The following LAMA3 variants were observed in gnomAD, a reference collection of about 807,000 sequenced individuals.
LAMA3 encodes laminin subunit alpha-3.
In LAMA3, 281 loss-of-function variants were observed where a neutral mutation model predicts 402.0. The ratio of observed to expected loss-of-function variants is 0.70; its 90% CI spans 0.63 to 0.77. LAMA3 has a LOEUF of 0.77. Ranked by LOEUF, LAMA3 falls within the 30% of genes least tolerant of loss-of-function variation. The pLI is 0.00. For synonymous variants in LAMA3, 1,431 were observed against 1,558.4 expected (o/e 0.92, Z 1.93); for missense variants, 3,840 against 4,215.5 (o/e 0.91, Z 2.47).
chr18:23,789,584 G>A (rs1160393690), intron 12 of LAMA3, among the ~76,000 whole-genome samples: 1 of 152,182 alleles, frequency 6.6e-6, no homozygotes, highest in East Asian at 1.9e-4. Context: ...CATATTGTGT[G>A]ATTCATTTAT....
chr18:23,755,235 C>G (rs1356316950), intron 6 of LAMA3, among the ~76,000 whole-genome samples: 1 of 152,160 alleles, frequency 6.6e-6, no homozygotes, highest in Non-Finnish European at 1.5e-5. Context: ...GGAGTACACG[C>G]CATCACAGAG....
chr18:23,794,188 T>C (rs766809444), intron 12 of LAMA3, among the ~76,000 whole-genome samples: 1 of 152,198 alleles, frequency 6.6e-6, no homozygotes, highest in Non-Finnish European at 1.5e-5. Context: ...CTCCAGGGTA[T>C]AGACTTGACC....
intron 23 of LAMA3, among the ~76,000 whole-genome samples, chr18:23,832,240 G>C (rs368170507): frequency 5.6e-4 from 86 of 152,314 alleles, no homozygotes; most frequent in African/African-American, 1.9e-3. Flanking sequence ...CCCTTGTTTG[G>C]AGATGCCCAG....
At chr18:23,936,199 A>G (rs1356618879) in intron 67 of LAMA3, among the ~76,000 whole-genome samples, 1 of 151,654 alleles carries the variant, frequency 6.6e-6, no homozygotes, top group Non-Finnish European at 1.5e-5. Flanking sequence ...TTTTTTTTCC[A>G]TATTAACTAA....
chr18:23,903,205 T>A, intron 49 of LAMA3, 80 bp downstream of exon 49: 1 of 878,476 alleles, frequency 1.1e-6, no homozygotes, highest in Non-Finnish European at 1.9e-6. Flanking sequence ...TGGGCTGACC[T>A]ACTTTTTTGT....
At chr18:23,740,984 C>T (rs553188799) in intron 2 of LAMA3, among the ~76,000 whole-genome samples, 13 of 151,130 alleles carry the variant, frequency 8.6e-5, no homozygotes, top group African/African-American at 3.2e-4. Flanking sequence ...GACAGAGTCT[C>T]ACTCTGTCGC....
chr18:23,735,211 G>A (rs2061453976), intron 2 of LAMA3, among the ~76,000 whole-genome samples: 1 of 152,166 alleles, frequency 6.6e-6, no homozygotes, highest in Non-Finnish European at 1.5e-5. Flanking sequence ...TGAACCAAAG[G>A]TGGCTCCTGA....
intron 27 of LAMA3, 147 bp downstream of exon 27, chr18:23,840,076 A>G: frequency 1.1e-6 from 1 of 871,574 alleles, no homozygotes; most frequent in Non-Finnish European, 1.9e-6. Flanking sequence ...GGGCCCAGGA[A>G]TCTGTGTTTT....
At chr18:23,923,604 A>C (rs1398976726) in intron 62 of LAMA3, among the ~76,000 whole-genome samples, 2 of 152,196 alleles carry the variant, frequency 1.3e-5, no homozygotes, top group Non-Finnish European at 2.9e-5. Context: ...AGCCTGAGAC[A>C]CAGCCAGGTG....
rs778860914 is a variant in LAMA3 at position 23,881,975 on chromosome 18, T to C, written c.5152T>C (p.Cys1718Arg). The change falls in exon 40 of 75, where the codon TGC (cysteine) becomes CGC (arginine). Residue 1718 changes from cysteine to arginine, a missense_variant. This residue lies in a region of LAMA3 where 2,109 missense variants were observed against 2,376.0 expected (regional missense o/e 0.89). Transcript: ENST00000313654. ...HNTAGEHCER[C>R]QEGYYGNAVH... ...CACCGCGGGAGAGCACTGTGAACGC[T>C]GCCAGGAGGGCTACTATGGCAACGC... The C allele has an allele frequency of 1.5e-5, 24 of 1,614,136 alleles. No homozygotes were observed. The South Asian group carries it at 2.5e-4, about 17-fold the overall frequency.
intron 74 of LAMA3, 138 bp from the exon 75 acceptor site, chr18:23,954,365 T>A: frequency 2.8e-6 from 2 of 723,936 alleles, no homozygotes; most frequent in Non-Finnish European, 2.3e-6. Context: ...ATCACACTAC[T>A]GTACTTCAGC....
chr18:23,816,837 C>T (rs57981546), intron 18 of LAMA3, among the ~76,000 whole-genome samples: 5,215 of 152,120 alleles, frequency 0.034, 284 homozygotes, highest in African/African-American at 0.12. Flanking sequence ...CAGATAGGCC[C>T]GCTCCAGGGA....
chr18:23,742,270 T>A (rs1260792033), intron 2 of LAMA3, among the ~76,000 whole-genome samples: 1 of 152,184 alleles, frequency 6.6e-6, no homozygotes, highest in Non-Finnish European at 1.5e-5. Flanking sequence ...TTTGGACTGT[T>A]CAAAATGTCA....
chr18:23,716,598 C>A lies in LAMA3; in HGVS notation c.447+2526C>A, dbSNP rs191104269. On this transcript the variant is annotated intron_variant, in intron 2 of 74. Transcript: ENST00000313654. ...TTTTTTTTAAACCTACTTTAAAAGC[C>A]TCCTTTTGATGTACTGAAAAATTCC... is the stretch of plus-strand genomic sequence containing the variant. Among the ~76,000 whole-genome samples the A allele has an allele frequency of 3.9e-3, 591 of 152,262 alleles. 5 individuals are homozygous for A. Among genetic ancestry groups the A allele is most frequent in the African/African-American group, 0.014 (567 of 41,534 alleles).
In LAMA3 at chr18:23,824,505, C is replaced by CA; in HGVS notation, c.2511_2512insA (p.Pro838ThrfsTer14). The CA allele has an allele frequency of 6.2e-7, 1 of 1,613,932 alleles. No homozygotes were observed. Among genetic ancestry groups the CA allele is most frequent in the Non-Finnish European group, 8.5e-7 (1 of 1,179,866 alleles). On this transcript the variant is annotated frameshift_variant, in exon 21 of 75. Coordinates refer to ENST00000313654, the MANE Select transcript of LAMA3 (RefSeq NM_198129.4). LOFTEE classifies it high-confidence loss of function. ...CTGTCCCTGGAAATGGTTTTGCAGA[C>CA]CCATTTTCAATCACACCAGGAATAT...
At chr18:23,873,828 C>T (rs925086386) in intron 38 of LAMA3, among the ~76,000 whole-genome samples, 1 of 152,110 alleles carries the variant, frequency 6.6e-6, no homozygotes. Context: ...CAAAAGTTTA[C>T]TGGAAAACTT....
At chr18:23,828,527 A>T (rs1397917749) in intron 23 of LAMA3, among the ~76,000 whole-genome samples, 3 of 152,196 alleles carry the variant, frequency 2.0e-5, no homozygotes, top group Non-Finnish European at 4.4e-5. Flanking sequence ...ATAGGTGTAC[A>T]TACATACATA....
At chr18:23,897,692 A>G (rs2080921458) in intron 44 of LAMA3, among the ~76,000 whole-genome samples, 1 of 152,234 alleles carries the variant, frequency 6.6e-6, no homozygotes, top group African/African-American at 2.4e-5. Context: ...TCTGCTGACA[A>G]TCTATATAAT....
chr18:23,900,057 T>TTG (rs1190915077), intron 47 of LAMA3, among the ~76,000 whole-genome samples: 16 of 78,468 alleles, frequency 2.0e-4, no homozygotes, highest in Non-Finnish European at 4.7e-4. Context: ...GAAATGAACT[T>TTG]TGTGTGTGTG....
Sources: allele counts gnomAD v4.1 joint callset (sites outside exome capture counted in the v4.1 genomes callset), GRCh38; gene constraint gnomAD v4.1.1; regional missense constraint gnomAD v4.1.1; transcripts MANE v1.5; gene names NCBI Gene and HGNC (gene_info 2026-07-23, HGNC 2026-07-21).